CBARP: variants seen among roughly 807,000 people sequenced by gnomAD.
CBARP encodes voltage-dependent calcium channel beta subunit-associated regulatory protein.
Under a neutral mutation model 36.3 loss-of-function variants are expected in CBARP, and 24 were observed. The ratio of observed to expected loss-of-function variants is 0.66; its 90% CI spans 0.48 to 0.93. The LOEUF (loss-of-function observed/expected upper bound fraction) is 0.93. Ranked by LOEUF, CBARP falls within the 40% of genes least tolerant of loss-of-function variation. The pLI, the probability that CBARP is intolerant of heterozygous loss-of-function variation, is 0.00. For missense variants in CBARP, 1,146 were observed against 980.4 expected (o/e 1.17, Z -2.26); for synonymous variants, 586 against 453.2 (o/e 1.29, Z -3.72).
chr19:1,231,379 T>G (rs2080890485), intron 8 of CBARP, 104 bp from the exon 9 acceptor site: 4 of 1,132,028 alleles, frequency 3.5e-6, no homozygotes, highest in Non-Finnish European at 4.7e-6. Context: ...ACAATGCCTG[T>G]GCCCCCCCGC....
Position 1,230,074 on chromosome 19 carries a change from G to A in CBARP, c.1223C>T (p.Ala408Val). Residue 408 changes from alanine (A) to valine (V), a missense_variant, in exon 10 of 10, where the codon GCG becomes GTG. By Grantham distance (64) the Ala-to-Val change is moderately conservative. Transcript: ENST00000650044. ...TGGCGGCTGCTGCTGCTCAGGCCCC[G>A]CGCTGCCCGCGCCGCGCTCCGGGGG... Reference protein sequence around the residue: ...DSPPERGAGSAGPEQQQPPLE... With the variant: ...DSPPERGAGSVGPEQQQPPLE... The A allele has an allele frequency of 8.9e-7, 1 of 1,129,940 alleles. No individual in the cohort carries two copies. The highest frequency in any genetic ancestry group is 1.1e-6 in the Non-Finnish European group (1 of 913,002). The allele number at this position is 1,129,940 out of a possible 1,614,324, so 70.0% of individuals were successfully genotyped here. A position where few individuals can be genotyped will look rare whatever the true frequency, so the allele number is the denominator to read the frequency against.
In CBARP at chr19:1,235,770, G is replaced by A. The variant is rs1470600625; in HGVS notation, c.245+9C>T. 2.5e-6 allele frequency: 4 copies of A among 1,606,610 alleles called. No individual in the cohort carries two copies. Among genetic ancestry groups the A allele is most frequent in the Non-Finnish European group, 3.4e-6 (4 of 1,179,802 alleles). ...ATGCACCTGCCCAGCCGAGGTGGGG[G>A]CCTCGCACCTGTTGAGGCGCTGGTG... On this transcript the variant is annotated intron_variant, in intron 3 of 9. Coordinates refer to ENST00000650044, the MANE Select transcript of CBARP (RefSeq NM_001393918.1).
chr19:1,233,515 T>C lies in CBARP; in HGVS notation c.890A>G (p.His297Arg), dbSNP rs1404800199. 6.2e-7 allele frequency: 1 copy of C among 1,607,528 alleles called. No individual in the cohort carries two copies. The highest frequency in any genetic ancestry group is 1.7e-5 in the Admixed American group (1 of 59,228). ...GGGGCTGGCCCCATCCAGGCTGGCA[T>C]GGCGGCGCAGGCGGGTGAGGAACTG... Reference protein sequence around the residue: ...VLQFLTRLRRHASLDGASPYF... With the variant: ...VLQFLTRLRRRASLDGASPYF... The change falls in exon 8 of 10, where the codon CAT becomes CGT. Residue 297 changes from histidine (H) to arginine (R), a missense_variant. His to Arg is a conservative substitution (Grantham distance 29). Coordinates refer to ENST00000650044, the MANE Select transcript of CBARP (RefSeq NM_001393918.1).
At chr19:1,232,184 C>T (rs1471662261) in intron 8 of CBARP, among the ~76,000 whole-genome samples, 1 of 152,146 alleles carries the variant, frequency 6.6e-6, no homozygotes, top group East Asian at 1.9e-4. Flanking sequence ...GTGCTGCAAC[C>T]ACATTGGACT....
rs1437756264 is a variant in CBARP at position 1,230,115 on chromosome 19, T to G, written c.1182A>C (p.Gly394=). The stretch of plus-strand genomic sequence containing the variant: ...GCTCCGGGGGGGAATCGGGGCTCGC[T>G]CCTCCCGCTGCCTCGGCCGCCTCTA... ...GRLEAAEAAG[G]ASPDSPPERG... is the part of the protein sequence containing the mutation. Residue 394 remains glycine, a synonymous_variant, in exon 10 of 10, where the codon GGA becomes GGC. Coordinates refer to ENST00000650044, the MANE Select transcript of CBARP (RefSeq NM_001393918.1). 1 of 1,055,306 alleles carries G rather than the reference T, an allele frequency of 9.5e-7. No individual in the cohort carries two copies. The highest frequency in any genetic ancestry group is 1.1e-6 in the Non-Finnish European group (1 of 870,454). The allele number at this position is 1,055,306 out of a possible 1,614,324, so 65.4% of individuals were successfully genotyped here. A position where few individuals can be genotyped will look rare whatever the true frequency, so the allele number is the denominator to read the frequency against.
chr19:1,237,444 G>A (rs1461373391), intron 1 of CBARP, among the ~76,000 whole-genome samples: 1 of 152,040 alleles, frequency 6.6e-6, no homozygotes, highest in African/African-American at 2.4e-5. Context: ...GGTTCCCCAC[G>A]GGGCAGCACC....
chr19:1,229,119 C>CG lies in CBARP; in HGVS notation c.*59dup. 1 of 711,818 alleles carries CG rather than the reference C, an allele frequency of 1.4e-6. No individual in the cohort carries two copies. Among genetic ancestry groups the CG allele is most frequent in the Non-Finnish European group, 1.7e-6 (1 of 573,222 alleles). The allele number at this position is 711,818 out of a possible 1,614,324, so 44.1% of individuals were successfully genotyped here. On this transcript the variant is annotated 3_prime_UTR_variant, in exon 10 of 10. Coordinates refer to ENST00000650044, the MANE Select transcript of CBARP (RefSeq NM_001393918.1). The surrounding 1 kb of genome is among the most constrained non-coding windows in gnomAD (Gnocchi z 5.1). ...CGTCGCGCCCCCACGTCTCTCCCGC[C>CG]GCCGAGGCCCCGTGCGGCGCCGGAG...
At chr19:1,230,401 G>A (rs2080874664) in intron 9 of CBARP, 1 of 987,782 alleles carries the variant, frequency 1.0e-6, no homozygotes, top group African/African-American at 1.7e-5. Context: ...TCCCTTGGAA[G>A]CCCCCAGGAA....
rs2080938695 is a variant in CBARP, at chr19:1,234,629, C to G, written c.569G>C (p.Ser190Thr). 2 of 1,610,060 alleles carry G rather than the reference C, an allele frequency of 1.2e-6. No homozygotes were observed. Among genetic ancestry groups the G allele is most frequent in the Non-Finnish European group, 1.7e-6 (2 of 1,178,764 alleles). Residue 190 changes from serine to threonine, a missense_variant, in exon 6 of 10, where the codon AGC (serine) becomes ACC (threonine). Transcript: ENST00000650044. ...GGCCGGGTGGGGCGTGGTGGCTGAG[C>G]TGGCCTCGCCTGAGTCACACTCGTG... is the stretch of plus-strand genomic sequence containing the variant. Reference protein sequence around the residue: ...TIHECDSGEASSATTPHPATS... With the variant: ...TIHECDSGEATSATTPHPATS...
At position 1,232,646 on chromosome 19, in the gene CBARP, G is replaced by A. The variant is rs138690014; in HGVS notation, c.979+780C>T. 6.8e-4 allele frequency among the ~76,000 whole-genome samples: 104 copies of A among 152,344 alleles called. 1 individual carries two copies. In the East Asian group the frequency reaches 0.017, roughly 24 times the overall value. On this transcript the variant is annotated intron_variant, in intron 8 of 9. Transcript: ENST00000650044. The stretch of plus-strand genomic sequence containing the variant: ...CAGGATCCTGCCTGACCCAAGGCCT[G>A]CAGAATTGAAGGGCTACTGTCAAAC...
At chr19:1,236,851 T>TGGG (rs1293004417) in intron 1 of CBARP, among the ~76,000 whole-genome samples, 2 of 16,924 alleles carry the variant, frequency 1.2e-4, no homozygotes, top group African/African-American at 5.4e-4. Flanking sequence ...GGCGGCGGCC[T>TGGG]GGGGGGGGGC....
In CBARP at chr19:1,229,201, G is replaced by A. The variant is rs1187459144; in HGVS notation, c.2096C>T (p.Ser699Phe). 8.4e-7 allele frequency: 1 copy of A among 1,195,448 alleles called. No individual in the cohort carries two copies. Among genetic ancestry groups the A allele is most frequent in the Admixed American group, 3.2e-5 (1 of 31,624 alleles). 74.1% of individuals were successfully genotyped at this position (1,195,448 alleles called of 1,614,324 possible). A position where few individuals can be genotyped will look rare whatever the true frequency, so the allele number is the denominator to read the frequency against. Residue 699 changes from serine (S) to phenylalanine (F), a missense_variant, in exon 10 of 10, where the codon TCC (serine) becomes TTC (phenylalanine). Transcript: ENST00000650044. The surrounding 1 kb of genome is among the most constrained non-coding windows in gnomAD (Gnocchi z 5.1). ...GACTTAGGCCGGGCTGTGGTCGGGG[G>A]ACGTGGGGGCGGCGGCGACCAACGC... The part of the protein sequence containing the change: ...TPALVAAAPT[S>F]PDHSPA
At chr19:1,236,429 C>T (rs934530339) in intron 1 of CBARP, among the ~76,000 whole-genome samples, 4 of 152,202 alleles carry the variant, frequency 2.6e-5, no homozygotes, top group African/African-American at 7.2e-5. Context: ...GCGCCAGGCC[C>T]TGGAGCTCAG....
chr19:1,237,334 G>GA (rs2145463311), intron 1 of CBARP, among the ~76,000 whole-genome samples: 1 of 152,294 alleles, frequency 6.6e-6, no homozygotes, highest in Admixed American at 6.5e-5. Context: ...AGGGGGTGGG[G>GA]ACAGGCGCAG....
intron 1 of CBARP, among the ~76,000 whole-genome samples, chr19:1,236,332 A>G (rs1223205497): frequency 6.6e-6 from 1 of 152,116 alleles, no homozygotes; most frequent in East Asian, 1.9e-4. Flanking sequence ...TCCCATCCCC[A>G]TGGCGGGGGA....
At chr19:1,234,427 GC>G in intron 6 of CBARP, 96 bp from the exon 7 acceptor site, 1 of 1,430,374 alleles carries the variant, frequency 7.0e-7, no homozygotes, top group Non-Finnish European at 9.2e-7. Flanking sequence ...GCTGGGCTTG[GC>G]CCCCTGCCCT....
Position 1,233,529 on chromosome 19 carries a change from G to C in CBARP, c.876C>G (p.Thr292=), listed in dbSNP as rs759882310. ...SGAGTVLQFL[T]RLRRHASLDG... ...CCAGGCTGGCATGGCGGCGCAGGCG[G>C]GTGAGGAACTGCAGAACGGTACCTG... is the stretch of plus-strand genomic sequence containing the variant. The change falls in exon 8 of 10, where the codon ACC becomes ACG. Residue 292 remains threonine (T), a synonymous_variant. Transcript: ENST00000650044. 2 of 1,604,642 alleles carry C rather than the reference G, an allele frequency of 1.2e-6. No individual in the cohort carries two copies. Among genetic ancestry groups the C allele is most frequent in the African/African-American group, 2.7e-5 (2 of 74,908 alleles).
At chr19:1,234,496 G>A (rs547964674) in intron 6 of CBARP, 75 bp downstream of exon 6, 1 of 1,481,300 alleles carries the variant, frequency 6.8e-7, no homozygotes, top group African/African-American at 1.4e-5. Flanking sequence ...GAGTGGGTGA[G>A]GGCGTGGGGG....
At position 1,231,163 on chromosome 19, in the gene CBARP, G is replaced by C; in HGVS notation, c.1092C>G (p.Gly364=). 6.2e-7 allele frequency: 1 copy of C among 1,600,004 alleles called. No homozygotes were observed. Residue 364 remains glycine, a synonymous_variant, in exon 9 of 10, where the codon GGC becomes GGG. Transcript: ENST00000650044. The part of the protein sequence containing the change: ...EDFIQYIARA[G]DAVAFPHPRP... The stretch of plus-strand genomic sequence containing the variant: ...GGGGGTGCGGGAAGGCCACGGCGTC[G>C]CCCGCCCGGGCAATGTACTGGATGA...
Sources: allele counts gnomAD v4.1 joint callset (sites outside exome capture counted in the v4.1 genomes callset), GRCh38; gene constraint gnomAD v4.1.1; non-coding constraint Gnocchi (gnomAD v3.1); transcripts MANE v1.5; gene names NCBI Gene and HGNC (gene_info 2026-07-23, HGNC 2026-07-21).